The following DMD variants were observed in gnomAD, a reference collection of about 807,000 sequenced individuals.
DMD encodes mutant dystrophin.
A neutral mutation model predicts 330.1 loss-of-function variants in DMD; 63 were observed. The observed-to-expected ratio is 0.19, with a 90% CI of 0.16 to 0.24. The LOEUF is 0.24. Ranked by LOEUF, DMD falls within the 10% of genes least tolerant of loss-of-function variation. The pLI, the probability that DMD is intolerant of heterozygous loss-of-function variation, is 1.00. For synonymous variants in DMD, 1,223 were observed against 959.8 expected (o/e 1.27, Z -5.07); for missense variants, 3,344 against 2,684.1 (o/e 1.25, Z -5.43).
intron 52 of DMD, among the ~76,000 whole-genome samples, chrX:31,712,063 A>C (rs2084678614): frequency 9.0e-6 from 1 of 111,602 alleles, no homozygotes; most frequent in Non-Finnish European, 1.9e-5. Context: ...TGTTGCTAAA[A>C]TTCATAGAAG....
chrX:32,611,297 T>A (rs772264157), intron 12 of DMD, among the ~76,000 whole-genome samples: 1 of 110,818 alleles, frequency 9.0e-6, no homozygotes, highest in East Asian at 2.8e-4. Flanking sequence ...TTGGCCTTAC[T>A]CTCTGAGCCA....
chrX:31,425,266 CT>C (rs2063636966), intron 60 of DMD, among the ~76,000 whole-genome samples: 1 of 112,316 alleles, frequency 8.9e-6, no homozygotes, highest in African/African-American at 3.2e-5. Flanking sequence ...GGCACTTTTT[CT>C]ACAATGGCTG....
chrX:33,042,789 T>C (rs1028379713), intron 1 of DMD, among the ~76,000 whole-genome samples: 1 of 112,263 alleles, frequency 8.9e-6, no homozygotes, highest in African/African-American at 3.2e-5. Flanking sequence ...TTTCTTCTAC[T>C]GTACAGTTGT....
intron 48 of DMD, among the ~76,000 whole-genome samples, chrX:31,872,027 G>T (rs1337624089): frequency 9.3e-6 from 1 of 107,845 alleles, no homozygotes; most frequent in Non-Finnish European, 1.9e-5. Flanking sequence ...TATAAGCTGG[G>T]GGTTTGAGAA....
At chrX:32,540,491 A>G (rs1275288291) in intron 17 of DMD, among the ~76,000 whole-genome samples, 1 of 111,749 alleles carries the variant, frequency 8.9e-6, no homozygotes, top group East Asian at 2.8e-4. Context: ...ATTATTAAAG[A>G]TCATCAGGAT....
chrX:31,834,665 C>T (rs934650303), intron 49 of DMD, among the ~76,000 whole-genome samples: 1 of 111,490 alleles, frequency 9.0e-6, no homozygotes, highest in East Asian at 2.8e-4. Context: ...GTCTCGAACT[C>T]CTGACCTCAG....
At chrX:33,040,468 G>C (rs1603005563) in intron 1 of DMD, among the ~76,000 whole-genome samples, 2 of 110,748 alleles carry the variant, frequency 1.8e-5, no homozygotes, top group South Asian at 7.9e-4. Flanking sequence ...TACCACTAGG[G>C]GAGAGACAGG....
intron 1 of DMD, among the ~76,000 whole-genome samples, chrX:33,031,403 G>A (rs909877051): frequency 9.0e-6 from 1 of 110,993 alleles, no homozygotes; most frequent in East Asian, 2.8e-4. Flanking sequence ...TAGGAGCATC[G>A]TTATTGTCTG....
At chrX:33,026,960 G>A (rs775327459) in intron 1 of DMD, among the ~76,000 whole-genome samples, 60 of 111,770 alleles carry the variant, frequency 5.4e-4, no homozygotes, top group Non-Finnish European at 1.0e-3. Flanking sequence ...TTAAGTTAAC[G>A]AAGACCAGAT....
chrX:33,300,686 G>C (rs1452084461), intron 1 of DMD, among the ~76,000 whole-genome samples: 3 of 111,577 alleles, frequency 2.7e-5, no homozygotes, highest in Non-Finnish European at 5.7e-5. Context: ...GAGCGTGCCT[G>C]CACCTTGACC....
At chrX:32,163,584 T>C (rs1473109437) in intron 44 of DMD, among the ~76,000 whole-genome samples, 3 of 111,819 alleles carry the variant, frequency 2.7e-5, no homozygotes, top group African/African-American at 6.5e-5. Flanking sequence ...AAAATAGGGG[T>C]AGTTGTTATA....
chrX:32,707,171 G>C (rs1243741781), intron 7 of DMD, among the ~76,000 whole-genome samples: 2 of 111,917 alleles, frequency 1.8e-5, no homozygotes, highest in African/African-American at 3.2e-5. Flanking sequence ...GAGTTACTTT[G>C]TGCCAGGCTA....
intron 52 of DMD, among the ~76,000 whole-genome samples, chrX:31,711,240 C>T (rs1217440576): frequency 9.0e-6 from 1 of 111,381 alleles, no homozygotes; most frequent in Non-Finnish European, 1.9e-5. Context: ...AAATTAGCTT[C>T]CAAAATCAAT....
chrX:31,147,265 C>T lies in DMD; in HGVS notation c.10797+10G>A, dbSNP rs1372889768. 1 of 1,211,021 alleles carries T rather than the reference C, an allele frequency of 8.3e-7. No individual in the cohort carries two copies. Among genetic ancestry groups the T allele is most frequent in the Admixed American group, 2.2e-5 (1 of 45,996 alleles). On this transcript the variant is annotated intron_variant, in intron 75 of 78. Coordinates refer to ENST00000357033, the MANE Select transcript of DMD (RefSeq NM_004006.3). The stretch of plus-strand genomic sequence containing the variant: ...ATGAATGTTTGTAAAAATCCCATCT[C>T]TCTCCTCACTTGCTCCAGCAGCTGC...
intron 67 of DMD, 69 bp from the exon 68 acceptor site, chrX:31,182,973 A>C: frequency 1.1e-6 from 1 of 924,130 alleles, no homozygotes; most frequent in Non-Finnish European, 1.5e-6. Context: ...ATGGCAAAGG[A>C]GGTGTATATC....
chrX:32,962,413 T>G (rs2091936471), intron 2 of DMD, among the ~76,000 whole-genome samples: 1 of 111,830 alleles, frequency 8.9e-6, no homozygotes, highest in Admixed American at 9.5e-5. Context: ...CTTCTATAGG[T>G]AAATTTTAAT....
At chrX:32,166,263 T>G (rs938178891) in intron 44 of DMD, among the ~76,000 whole-genome samples, 1 of 110,586 alleles carries the variant, frequency 9.0e-6, no homozygotes, top group Non-Finnish European at 1.9e-5. Flanking sequence ...AAGAACAGCC[T>G]GGGCAACACA....
intron 1 of DMD, among the ~76,000 whole-genome samples, chrX:33,321,087 T>C (rs2054008053): frequency 9.0e-6 from 1 of 111,465 alleles, no homozygotes; most frequent in African/African-American, 3.3e-5. Flanking sequence ...TCCATGAGGG[T>C]TGAAATCAGC....
chrX:31,770,152 C>T (rs1311470845), intron 51 of DMD, among the ~76,000 whole-genome samples: 1 of 112,571 alleles, frequency 8.9e-6, no homozygotes, highest in Non-Finnish European at 1.9e-5. Context: ...TGCCTTTGTG[C>T]TAATTACAGC....
Sources: gnomAD v4.1 joint callset for allele counts (sites outside exome capture counted in the v4.1 genomes callset) on GRCh38, gnomAD v4.1.1 for gene constraint, MANE v1.5 for transcripts, NCBI Gene and HGNC (gene_info 2026-07-23, HGNC 2026-07-21) for gene names.